Variants in CCDC191 observed in about 807,000 individuals in gnomAD.
CCDC191 encodes coiled-coil domain containing 191.
A neutral mutation model predicts 114.0 loss-of-function variants in CCDC191; 99 were observed. The ratio of observed to expected loss-of-function variants is 0.87; its 90% CI spans 0.74 to 1.03. The LOEUF is 1.03. CCDC191 is among the 50% of genes least tolerant of loss of function. The probability of loss-of-function intolerance (pLI) is 0.00; values close to 1 mark genes in which losing one functional copy is unlikely to be tolerated. For synonymous variants in CCDC191, 351 were observed against 376.0 expected, an observed-to-expected ratio of 0.93 and a Z score of 0.77; for missense variants, 973 against 1,087.0, an observed-to-expected ratio of 0.90 and a Z score of 1.47.
chr3:113,978,711 CATTT>C, intron 15 of CCDC191, 143 bp downstream of exon 15: 1 of 845,370 alleles, frequency 1.2e-6, no homozygotes, highest in Non-Finnish European at 1.9e-6. Context: ...ACCATTTTCA[CATTT>C]ATTTCAAAGC....
intron 14 of CCDC191, among the ~76,000 whole-genome samples, chr3:113,979,853 A>G (rs1271747599): frequency 6.6e-6 from 1 of 152,186 alleles, no homozygotes; most frequent in East Asian, 1.9e-4. Context: ...TCTATTTTGA[A>G]TTTTTAATCA....
At chr3:113,984,851 TA>T (rs2107620966) in intron 13 of CCDC191, among the ~76,000 whole-genome samples, 1 of 152,370 alleles carries the variant, frequency 6.6e-6, no homozygotes, top group African/African-American at 2.4e-5. Context: ...TTGTTCTGCA[TA>T]AGTTTTCTTC....
intron 11 of CCDC191, chr3:114,003,849 T>C (rs2075898208): frequency 2.0e-6 from 2 of 985,286 alleles, no homozygotes; most frequent in South Asian, 4.7e-5. Flanking sequence ...CACAATATAA[T>C]TGTCAAAGTG....
chr3:114,036,758 C>T lies in CCDC191; in HGVS notation c.444G>A (p.Glu148=), dbSNP rs2076490092. 6.4e-7 allele frequency: 1 copy of T among 1,565,070 alleles called. No homozygotes were observed. The change falls in exon 5 of 17, where the codon GAG becomes GAA. Residue 148 remains glutamate (E), a synonymous_variant. Transcript: ENST00000295878. ...DDLCGYLEEE[E]ESTTVQKFID... ...TAAATTTTTGAACGGTGGTACTTTC[C>T]TCTTCTTCCTCCAAATAGCCACATA...
chr3:113,974,445 G>A (rs1237330251), intron 16 of CCDC191, among the ~76,000 whole-genome samples: 2 of 151,632 alleles, frequency 1.3e-5, no homozygotes, highest in African/African-American at 4.8e-5. Context: ...TCAGGCTTCC[G>A]AGTAGGTGGG....
At chr3:114,021,648 G>C (rs2076245855) in intron 7 of CCDC191, among the ~76,000 whole-genome samples, 1 of 152,050 alleles carries the variant, frequency 6.6e-6, no homozygotes, top group Non-Finnish European at 1.5e-5. Flanking sequence ...TACTTCCACA[G>C]ACCTGAACTA....
chr3:114,025,251 C>G (rs1206948384), intron 7 of CCDC191, among the ~76,000 whole-genome samples: 9 of 140,394 alleles, frequency 6.4e-5, no homozygotes, highest in African/African-American at 2.4e-4. Flanking sequence ...TTCCTCATTT[C>G]AACTTACCAA....
intron 4 of CCDC191, among the ~76,000 whole-genome samples, chr3:114,041,998 A>G (rs1264746333): frequency 6.6e-6 from 1 of 151,402 alleles, no homozygotes; most frequent in Non-Finnish European, 1.5e-5. Context: ...TCTCCTCTGG[A>G]AAAAAAAACT....
At chr3:114,028,275 ATTTTTTTTTTT>A (rs920211150) in intron 7 of CCDC191, among the ~76,000 whole-genome samples, 1 of 126,880 alleles carries the variant, frequency 7.9e-6, no homozygotes, top group Non-Finnish European at 1.6e-5. Flanking sequence ...AATTCTAAAA[ATTTTTTTTTTT>A]TTTTTTTTTT....
intron 13 of CCDC191, among the ~76,000 whole-genome samples, chr3:113,992,174 A>G (rs1382740736): frequency 6.6e-6 from 1 of 152,214 alleles, no homozygotes; most frequent in African/African-American, 2.4e-5. Context: ...GAAGGTAAGA[A>G]TAGTTTCACT....
chr3:114,008,244 C>T (rs2076007636), intron 9 of CCDC191, among the ~76,000 whole-genome samples: 1 of 147,202 alleles, frequency 6.8e-6, no homozygotes. Flanking sequence ...ACAGCTCTTT[C>T]TTAAGATAGA....
At chr3:113,975,083 T>C (rs2107587806) in intron 16 of CCDC191, among the ~76,000 whole-genome samples, 1 of 152,336 alleles carries the variant, frequency 6.6e-6, no homozygotes, top group South Asian at 2.1e-4. Flanking sequence ...GTTATATGCA[T>C]GTATGCATTT....
At chr3:113,993,987 T>G (rs534547312) in intron 13 of CCDC191, among the ~76,000 whole-genome samples, 1 of 152,182 alleles carries the variant, frequency 6.6e-6, no homozygotes, top group African/African-American at 2.4e-5. Flanking sequence ...CTGAATGACT[T>G]TGAGTTTGGT....
intron 16 of CCDC191, among the ~76,000 whole-genome samples, chr3:113,969,261 T>C (rs1452801896): frequency 6.6e-6 from 1 of 152,248 alleles, no homozygotes; most frequent in Non-Finnish European, 1.5e-5. Flanking sequence ...ATCCAAACTA[T>C]ACAGACAGTT....
chr3:114,056,613 C>T (rs557116872), upstream of CCDC191: 2 of 1,567,590 alleles, frequency 1.3e-6, no homozygotes, highest in African/African-American at 1.3e-5. Flanking sequence ...TCCCACGAGG[C>T]TCTGCGCAGG....
intron 7 of CCDC191, among the ~76,000 whole-genome samples, chr3:114,030,537 C>T (rs1051996484): frequency 6.6e-6 from 1 of 152,176 alleles, no homozygotes; most frequent in African/African-American, 2.4e-5. Context: ...GCAAGTCTTA[C>T]ATTTCTCCCT....
intron 13 of CCDC191, among the ~76,000 whole-genome samples, chr3:113,992,387 C>T (rs557372298): frequency 2.6e-5 from 4 of 152,194 alleles, no homozygotes; most frequent in Non-Finnish European, 4.4e-5. Context: ...CTGAGTGGTT[C>T]GAGGAGGCTG....
Position 114,005,867 on chromosome 3 carries a change from C to T in CCDC191, c.1509G>A (p.Leu503=). 1 of 1,614,048 alleles carries T rather than the reference C, an allele frequency of 6.2e-7. No individual in the cohort carries two copies. Among genetic ancestry groups the T allele is most frequent in the South Asian group, 1.1e-5 (1 of 91,080 alleles). The change falls in exon 10 of 17, where the codon TTG becomes TTA. Residue 503 remains leucine, a synonymous_variant. Coordinates refer to ENST00000295878, the MANE Select transcript of CCDC191 (RefSeq NM_020817.2). The part of the protein sequence containing the change: ...PPLGRTTTGN[L]QGSLQNVSLS... ...GAGAGACATTCTGAAGGGAACCCTGCAAGTTGCCTGTTGTTGTTCTTCCCA... is the reference window on the plus strand; with the variant it reads ...GAGAGACATTCTGAAGGGAACCCTGTAAGTTGCCTGTTGTTGTTCTTCCCA...
rs568127318 is a variant in CCDC191, at chr3:113,982,035, C to T, written c.2164-1242G>A. On this transcript the variant is annotated intron_variant, in intron 13 of 16. Coordinates refer to ENST00000295878, the MANE Select transcript of CCDC191 (RefSeq NM_020817.2). The stretch of plus-strand genomic sequence containing the variant: ...AAATGTCAGTGTAGCATTAAGGCAG[C>T]AGCTGCATCTTGCAGAGAGACATCT... 6.6e-5 allele frequency among the ~76,000 whole-genome samples: 10 copies of T among 152,306 alleles called. 1 individual carries two copies. In the South Asian group the frequency reaches 1.0e-3, roughly 16 times the overall value.
Sources: allele counts gnomAD v4.1 joint callset (sites outside exome capture counted in the v4.1 genomes callset), GRCh38; gene constraint gnomAD v4.1.1; transcripts MANE v1.5; gene names NCBI Gene and HGNC (gene_info 2026-07-23, HGNC 2026-07-21).